The following PCNX2 variants were observed in gnomAD, a reference collection of about 807,000 sequenced individuals.
PCNX2 encodes the protein pecanex-like protein 2.
Under a neutral mutation model 223.8 loss-of-function variants are expected in PCNX2, and 168 were observed. The ratio of observed to expected loss-of-function variants is 0.75; its 90% CI spans 0.66 to 0.85. The LOEUF is 0.85. PCNX2 is among the 40% of genes least tolerant of loss of function. The pLI, the probability that PCNX2 is intolerant of heterozygous loss-of-function variation, is 0.00. For synonymous variants in PCNX2, 1,006 were observed against 1,052.6 expected (o/e 0.96, Z 0.86); for missense variants, 2,507 against 2,675.5 (o/e 0.94, Z 1.39).
At chr1:233,189,910 A>C (rs1680320919) in intron 15 of PCNX2, among the ~76,000 whole-genome samples, 1 of 152,216 alleles carries the variant, frequency 6.6e-6, no homozygotes, top group South Asian at 2.1e-4. Flanking sequence ...GATCACTGTC[A>C]AATACTATTT....
At chr1:233,206,794 C>A (rs1003767151) in intron 13 of PCNX2, among the ~76,000 whole-genome samples, 1 of 151,728 alleles carries the variant, frequency 6.6e-6, no homozygotes, top group Non-Finnish European at 1.5e-5. Context: ...CTGAGGTGGG[C>A]GGATCACTTG....
chr1:233,309,547 A>AAAT, the PCNX2 span, among the ~76,000 whole-genome samples: 1 of 148,692 alleles, frequency 6.7e-6, no homozygotes, highest in Non-Finnish European at 1.5e-5. Context: ...TCAAAAAAAT[A>AAAT]ATAATAATAA....
intron 17 of PCNX2, among the ~76,000 whole-genome samples, chr1:233,175,648 G>A (rs1361085576): frequency 6.6e-6 from 1 of 152,036 alleles, no homozygotes; most frequent in Non-Finnish European, 1.5e-5. Flanking sequence ...AAGTCTCCTG[G>A]TATAAATATT....
At chr1:233,057,371 G>T in intron 23 of PCNX2, 81 bp from the exon 24 acceptor site, 1 of 1,112,676 alleles carries the variant, frequency 9.0e-7, no homozygotes, top group South Asian at 1.3e-5. Flanking sequence ...CCAGCTGCAT[G>T]AGTGGAAAAT....
At chr1:233,204,933 T>C (rs1408977521) in intron 13 of PCNX2, among the ~76,000 whole-genome samples, 2 of 152,218 alleles carry the variant, frequency 1.3e-5, no homozygotes, top group Non-Finnish European at 2.9e-5. Flanking sequence ...CCTAATGAAA[T>C]TGATTTAAAA....
At chr1:233,005,167 AT>A (rs1161687567) in intron 28 of PCNX2, among the ~76,000 whole-genome samples, 8 of 152,188 alleles carry the variant, frequency 5.3e-5, no homozygotes, top group African/African-American at 1.9e-4. Context: ...AATGGGTGGG[AT>A]TTATTCAGGA....
chr1:233,215,340 C>T (rs1390910222), intron 12 of PCNX2, among the ~76,000 whole-genome samples: 1 of 152,206 alleles, frequency 6.6e-6, no homozygotes, highest in Non-Finnish European at 1.5e-5. Context: ...ACTTAGAAAT[C>T]TGTGTAAGCA....
intron 23 of PCNX2, among the ~76,000 whole-genome samples, chr1:233,084,107 A>T (rs1673484962): frequency 6.6e-6 from 1 of 152,222 alleles, no homozygotes; most frequent in African/African-American, 2.4e-5. Context: ...AGGAGTGATC[A>T]TCTCATTTTA....
chr1:233,203,906 G>A (rs1001858721), intron 13 of PCNX2, among the ~76,000 whole-genome samples: 2 of 152,182 alleles, frequency 1.3e-5, no homozygotes, highest in Non-Finnish European at 1.5e-5. Flanking sequence ...ACCTGCCAGA[G>A]GAGGACCACT....
chr1:233,058,734 C>T (rs527676028), intron 23 of PCNX2, among the ~76,000 whole-genome samples: 2 of 145,374 alleles, frequency 1.4e-5, no homozygotes, highest in East Asian at 4.1e-4. Flanking sequence ...AGTGCAATCT[C>T]GGCTCATGGC....
Position 233,252,738 on chromosome 1 carries a change from T to C in PCNX2, c.1885A>G (p.Ser629Gly), listed in dbSNP as rs758444359. The C allele has an allele frequency of 8.1e-6, 13 of 1,613,530 alleles. No individual in the cohort carries two copies. Among genetic ancestry groups the C allele is most frequent in the Non-Finnish European group, 1.1e-5 (13 of 1,179,798 alleles). ...TTTCCTTGCTTAGAACTGTGTCCAC[T>C]GGGCTTTTCATTTTCCAGGATTTCC... Reference protein sequence around the residue: ...KEEILENEKPSGHSSKQGKPD... With the variant: ...KEEILENEKPGGHSSKQGKPD... Residue 629 changes from serine (S) to glycine (G), a missense_variant, in exon 6 of 34, where the codon AGT becomes GGT. Ser to Gly is a moderately conservative substitution (Grantham distance 56). Around this residue, in one of 3 missense-constraint regions of PCNX2, gnomAD observed 1,031 missense variants for 1,021.7 expected, o/e 1.01. Coordinates refer to ENST00000258229, the MANE Select transcript of PCNX2 (RefSeq NM_014801.4).
At chr1:233,029,194 G>T (rs1055153262) in intron 25 of PCNX2, among the ~76,000 whole-genome samples, 24 of 151,966 alleles carry the variant, frequency 1.6e-4, no homozygotes, top group African/African-American at 5.6e-4. Flanking sequence ...TTCTCAATCA[G>T]CTTTTTAGCC....
chr1:232,999,429 C>T, intron 30 of PCNX2, 50 bp from the exon 31 acceptor site: 1 of 1,487,380 alleles, frequency 6.7e-7, no homozygotes, highest in South Asian at 1.3e-5. Flanking sequence ...CTGTGTTTTC[C>T]AGTCTATTGG....
chr1:233,292,062 A>G (rs1303436745), intron 1 of PCNX2: 17 of 941,210 alleles, frequency 1.8e-5, no homozygotes, highest in Non-Finnish European at 2.0e-5. Flanking sequence ...TTTCCACATT[A>G]TCACCCAGAT....
chr1:233,252,140 T>G (rs1659487970), intron 7 of PCNX2, among the ~76,000 whole-genome samples: 1 of 152,212 alleles, frequency 6.6e-6, no homozygotes, highest in African/African-American at 2.4e-5. Flanking sequence ...GACTAAGATC[T>G]GAAAAAATCA....
intron 5 of PCNX2, among the ~76,000 whole-genome samples, chr1:233,255,653 G>A (rs560054138): frequency 9.9e-5 from 15 of 152,272 alleles, no homozygotes; most frequent in African/African-American, 2.9e-4. Flanking sequence ...ATCCTAAGGC[G>A]CTTTGTGAAG....
At chr1:232,986,616 C>A (rs1048122641) in intron 32 of PCNX2, 76 bp from the exon 33 acceptor site, 5 of 1,357,062 alleles carry the variant, frequency 3.7e-6, no homozygotes, top group Non-Finnish European at 4.9e-6. Flanking sequence ...CAGCAGGTGG[C>A]CTGCTCTGCC....
chr1:233,041,205 A>G (rs1671632883), intron 25 of PCNX2, among the ~76,000 whole-genome samples: 1 of 121,502 alleles, frequency 8.2e-6, no homozygotes, highest in Admixed American at 7.5e-5. Flanking sequence ...TGGCTTAGAG[A>G]AAAACCACAC....
chr1:233,036,095 C>T (rs951436619), intron 25 of PCNX2, among the ~76,000 whole-genome samples: 13 of 152,130 alleles, frequency 8.5e-5, no homozygotes, highest in Non-Finnish European at 1.9e-4. Context: ...AAGAAGGTCA[C>T]AGTGGGATTC....
Sources: allele counts gnomAD v4.1 joint callset (sites outside exome capture counted in the v4.1 genomes callset), GRCh38; gene constraint gnomAD v4.1.1; regional missense constraint gnomAD v4.1.1; transcripts MANE v1.5; gene names NCBI Gene and HGNC (gene_info 2026-07-23, HGNC 2026-07-21).